CELF2: variants seen among roughly 807,000 people sequenced by gnomAD.
CELF2 encodes CUGBP Elav-like family member 2.
A neutral mutation model predicts 62.6 loss-of-function variants in CELF2; 8 were observed. The observed-to-expected ratio is 0.13, with a 90% CI of 0.07 to 0.23. CELF2 has a LOEUF of 0.23. CELF2 is among the 10% of genes least tolerant of loss of function. CELF2 has a pLI of 1.00. For synonymous variants in CELF2, 258 were observed against 250.0 expected (o/e 1.03, Z -0.30); for missense variants, 333 against 671.0 (o/e 0.50, Z 5.56).
the CELF2 span, among the ~76,000 whole-genome samples, chr10:10,531,553 A>G: frequency 6.6e-6 from 1 of 151,902 alleles, no homozygotes; most frequent in Non-Finnish European, 1.5e-5. Flanking sequence ...GTCTCTTTGG[A>G]CTCCAACACC....
chr10:11,281,022 T>TGTGTGTGTG (rs1565736829), intron 8 of CELF2, among the ~76,000 whole-genome samples: 1 of 88,556 alleles, frequency 1.1e-5, no homozygotes. Context: ...GTGTGTGTGT[T>TGTGTGTGTG]CAGAATGGGA....
chr10:11,061,560 A>G (rs924699351), intron 1 of CELF2, among the ~76,000 whole-genome samples: 54 of 152,230 alleles, frequency 3.5e-4, no homozygotes, highest in South Asian at 2.1e-4. Flanking sequence ...ACAGCCTGCT[A>G]TTGGAAGATG....
chr10:10,833,163 C>T (rs184362989), intron 1 of CELF2, among the ~76,000 whole-genome samples: 6 of 152,268 alleles, frequency 3.9e-5, no homozygotes, highest in African/African-American at 9.6e-5. Flanking sequence ...TTTGTGATAA[C>T]GCCTTGTGTT....
At chr10:10,786,072 A>G in the CELF2 span, among the ~76,000 whole-genome samples, 34 of 152,342 alleles carry the variant, frequency 2.2e-4, no homozygotes, top group South Asian at 7.0e-3. Context: ...AACCTCCAAA[A>G]TTGGAAAAAT....
At chr10:10,658,338 G>A in the CELF2 span, among the ~76,000 whole-genome samples, 3 of 152,018 alleles carry the variant, frequency 2.0e-5, no homozygotes, top group Non-Finnish European at 4.4e-5. Context: ...CATCATTTCT[G>A]TTCTAACCAC....
the CELF2 span, among the ~76,000 whole-genome samples, chr10:10,552,438 G>C: frequency 6.6e-6 from 1 of 152,184 alleles, no homozygotes; most frequent in Non-Finnish European, 1.5e-5. Context: ...TGGTATATTT[G>C]TTCTCCCAAG....
intron 2 of CELF2, among the ~76,000 whole-genome samples, chr10:11,167,270 A>G (rs1340621725): frequency 6.6e-6 from 1 of 152,240 alleles, no homozygotes; most frequent in East Asian, 1.9e-4. Flanking sequence ...TAGAGCTAAA[A>G]AAATTAATAA....
chr10:10,976,331 T>G (rs1307465415), intron 2 of CELF2, among the ~76,000 whole-genome samples: 1 of 152,208 alleles, frequency 6.6e-6, no homozygotes, highest in Non-Finnish European at 1.5e-5. Flanking sequence ...GGTGATTTGT[T>G]GATCCAAGTC....
chr10:10,674,504 C>T, the CELF2 span, among the ~76,000 whole-genome samples: 5 of 152,160 alleles, frequency 3.3e-5, no homozygotes, highest in Admixed American at 3.3e-4. Context: ...GCATTTAGAT[C>T]ACTGGCATTC....
intron 1 of CELF2, among the ~76,000 whole-genome samples, chr10:11,161,949 C>A (rs1249461601): frequency 6.6e-6 from 1 of 152,150 alleles, no homozygotes; most frequent in African/African-American, 2.4e-5. Flanking sequence ...GCTACAGCCC[C>A]ATGAGGATGA....
chr10:11,134,513 T>C (rs1457278410), intron 1 of CELF2, among the ~76,000 whole-genome samples: 2 of 152,180 alleles, frequency 1.3e-5, no homozygotes, highest in African/African-American at 4.8e-5. Flanking sequence ...AGGCATCTTG[T>C]GCTTGTCCTT....
chr10:11,040,527 C>T (rs919015941), intron 1 of CELF2, among the ~76,000 whole-genome samples: 1 of 152,100 alleles, frequency 6.6e-6, no homozygotes, highest in African/African-American at 2.4e-5. Context: ...TGTAGCGACG[C>T]ACTTCCAAGC....
In CELF2 at chr10:11,242,706, C is replaced by T. The variant is rs1180337344; in HGVS notation, c.355-6447C>T. On this transcript the variant is annotated intron_variant, in intron 3 of 12. Coordinates refer to ENST00000633077, the MANE Select transcript of CELF2 (RefSeq NM_001326342.2). This position sits in a 1 kb window ranked among gnomAD's most constrained non-coding sequence, Gnocchi z 4.8. ...GTGGGAAGAATCGAAGGTCAGCTTA[C>T]TCAGGAGTGAGGGGCATCAGGTCCA... 6.6e-6 allele frequency among the ~76,000 whole-genome samples: 1 copy of T among 152,180 alleles called. No individual in the cohort carries two copies. Among genetic ancestry groups the T allele is most frequent in the Non-Finnish European group, 1.5e-5 (1 of 68,030 alleles).
the CELF2 span, among the ~76,000 whole-genome samples, chr10:10,731,243 A>AAC: frequency 0.12 from 17,773 of 146,466 alleles, 1,109 homozygotes; most frequent in Non-Finnish European, 0.15. Flanking sequence ...TCCTGCAGAA[A>AAC]ACACACACAC....
Position 11,299,252 on chromosome 10 carries a change from G to A in CELF2, c.976+10700G>A, listed in dbSNP as rs564655285. On this transcript the variant is annotated intron_variant, in intron 9 of 12. Coordinates refer to ENST00000633077, the MANE Select transcript of CELF2 (RefSeq NM_001326342.2). ...TGGTTTGTATCTCGGGCCACACGGC[G>A]GGTGGTGCGTGCTCTGCACCGGGCC... 6.4e-4 allele frequency among the ~76,000 whole-genome samples: 98 copies of A among 152,336 alleles called. 1 individual carries two copies. The highest frequency in any genetic ancestry group is 9.7e-4 in the Non-Finnish European group (66 of 68,022).
the CELF2 span, among the ~76,000 whole-genome samples, chr10:10,524,911 C>T: frequency 2.6e-5 from 4 of 152,232 alleles, no homozygotes; most frequent in South Asian, 2.1e-4. Context: ...AGTAAATATG[C>T]ATGTATGCAT....
At chr10:10,905,853 G>C (rs1188093787) in intron 1 of CELF2, among the ~76,000 whole-genome samples, 2 of 151,182 alleles carry the variant, frequency 1.3e-5, no homozygotes, top group African/African-American at 4.9e-5. Flanking sequence ...ACTCCAGCCT[G>C]GGTGACAGAG....
At chr10:11,275,817 T>C (rs1343041365) in intron 8 of CELF2, among the ~76,000 whole-genome samples, 1 of 152,170 alleles carries the variant, frequency 6.6e-6, no homozygotes, top group Non-Finnish European at 1.5e-5. Flanking sequence ...CGTGCCACCT[T>C]CCGTGCCGAT....
intron 2 of CELF2, among the ~76,000 whole-genome samples, chr10:11,181,196 T>C (rs1358550043): frequency 6.6e-6 from 1 of 152,138 alleles, no homozygotes; most frequent in Non-Finnish European, 1.5e-5. Context: ...ACCTAAATAT[T>C]TTGTTGGTAG....
Sources: gnomAD v4.1 joint callset for allele counts (sites outside exome capture counted in the v4.1 genomes callset) on GRCh38, gnomAD v4.1.1 for gene constraint, Gnocchi (gnomAD v3.1) non-coding constraint, MANE v1.5 for transcripts, NCBI Gene and HGNC (gene_info 2026-07-23, HGNC 2026-07-21) for gene names.